The following XIRP2 variants were observed in gnomAD, a reference collection of about 807,000 sequenced individuals.
XIRP2 encodes xin actin-binding repeat-containing protein 2.
XIRP2 carries 236 observed loss-of-function variants against 277.0 expected under a neutral mutation model. That is an observed-to-expected ratio of 0.85 (90% CI 0.77 to 0.95). The LOEUF (loss-of-function observed/expected upper bound fraction) is 0.95, where lower values mean the gene tolerates loss of function less well. Among genes scored for constraint, XIRP2 ranks in the 40% least tolerant of loss-of-function variants. The pLI, the probability that XIRP2 is intolerant of heterozygous loss-of-function variation, is 0.00. For synonymous variants in XIRP2, 1,490 were observed against 1,416.5 expected (o/e 1.05, Z -1.17); for missense variants, 4,640 against 4,157.5 (o/e 1.12, Z -3.19).
At chr2:167,011,796 G>A (rs896300554) in intron 2 of XIRP2, among the ~76,000 whole-genome samples, 25 of 151,690 alleles carry the variant, frequency 1.6e-4, no homozygotes, top group African/African-American at 6.0e-4. Flanking sequence ...CTGGTTTAGT[G>A]TTGGGAGGGT....
At chr2:166,938,109 A>G (rs986619796) in intron 2 of XIRP2, among the ~76,000 whole-genome samples, 2 of 151,838 alleles carry the variant, frequency 1.3e-5, no homozygotes, top group Non-Finnish European at 2.9e-5. Flanking sequence ...TTCTGCTCCG[A>G]TCTTAGTTAT....
At chr2:167,136,085 CT>C in intron 3 of XIRP2, 23 bp downstream of exon 3, 1 of 1,572,736 alleles carries the variant, frequency 6.4e-7, no homozygotes, top group Non-Finnish European at 8.6e-7. Context: ...TTTTGATATG[CT>C]TTCTTGACAT....
intron 2 of XIRP2, among the ~76,000 whole-genome samples, chr2:167,009,872 AG>A (rs1239858925): frequency 6.6e-6 from 1 of 152,104 alleles, no homozygotes; most frequent in African/African-American, 2.4e-5. Flanking sequence ...TCTTTTGAGA[AG>A]TGTCTGTTCA....
chr2:167,029,092 A>C (rs1200683199), intron 2 of XIRP2, among the ~76,000 whole-genome samples: 1 of 152,024 alleles, frequency 6.6e-6, no homozygotes, highest in Non-Finnish European at 1.5e-5. Flanking sequence ...CAAAAGGGCA[A>C]ACCTATGACT....
chr2:166,928,407 C>T (rs1685244357), intron 2 of XIRP2, among the ~76,000 whole-genome samples: 3 of 152,068 alleles, frequency 2.0e-5, no homozygotes, highest in African/African-American at 7.2e-5. Flanking sequence ...GCTGTTAACA[C>T]TTAGTATAAA....
At chr2:167,056,052 G>A (rs987945913) in intron 2 of XIRP2, among the ~76,000 whole-genome samples, 25 of 151,602 alleles carry the variant, frequency 1.6e-4, no homozygotes, top group Non-Finnish European at 3.2e-4. Context: ...TTTTTATTTC[G>A]AAAAGTTAAG....
At chr2:167,032,201 G>T (rs1688383603) in intron 2 of XIRP2, among the ~76,000 whole-genome samples, 1 of 152,104 alleles carries the variant, frequency 6.6e-6, no homozygotes, top group African/African-American at 2.4e-5. Flanking sequence ...CAAGCAATGG[G>T]GAAGGGATTC....
chr2:167,106,706 T>C (rs1183192908), intron 2 of XIRP2, among the ~76,000 whole-genome samples: 1 of 151,694 alleles, frequency 6.6e-6, no homozygotes, highest in African/African-American at 2.4e-5. Context: ...AAAAGTGTTG[T>C]CTTTATCTAC....
chr2:166,939,674 C>A (rs1442787777), intron 2 of XIRP2, among the ~76,000 whole-genome samples: 10 of 82,142 alleles, frequency 1.2e-4, no homozygotes, highest in African/African-American at 4.8e-4. Context: ...AGCAAGACTC[C>A]ATCACAAAAA....
intron 2 of XIRP2, among the ~76,000 whole-genome samples, chr2:166,912,745 A>C (rs960229081): frequency 2.6e-5 from 4 of 152,026 alleles, no homozygotes; most frequent in South Asian, 2.1e-4. Context: ...TTTTATCTAC[A>C]TTTGGTCTTT....
intron 2 of XIRP2, among the ~76,000 whole-genome samples, chr2:166,979,369 C>CTTTTCTT (rs1173291393): frequency 1.4e-3 from 154 of 108,370 alleles, no homozygotes; most frequent in South Asian, 5.0e-3. Context: ...CTTTTCTTTT[C>CTTTTCTT]TTTTTTTTTT....
rs770474160 is a variant in XIRP2, at chr2:167,248,017, A to G, written c.6625A>G (p.Met2209Val). The change falls in exon 9 of 11, where the codon ATG (methionine) becomes GTG (valine). Residue 2209 changes from methionine to valine, a missense_variant. Transcript: ENST00000409195. ...IKKKNINLQP[M>V]WQLLPVEQDT... ...GAAAAAGAATATAAACCTTCAACCA[A>G]TGTGGCAGCTTTTGCCTGTAGAGCA... The G allele has an allele frequency of 6.8e-6, 11 of 1,613,414 alleles. No homozygotes were observed. The highest frequency in any genetic ancestry group is 4.4e-5 in the South Asian group (4 of 91,026).
chr2:166,892,856 T>A (rs1193939536), intron 1 of XIRP2, among the ~76,000 whole-genome samples: 7 of 148,454 alleles, frequency 4.7e-5, no homozygotes, highest in East Asian at 2.0e-4. Context: ...AATATATGTT[T>A]TATATATATA....
At chr2:167,230,835 T>C (rs933397183) in intron 5 of XIRP2, among the ~76,000 whole-genome samples, 1 of 152,036 alleles carries the variant, frequency 6.6e-6, no homozygotes, top group African/African-American at 2.4e-5. Flanking sequence ...CAGTGCTCCC[T>C]CAGCCTCTGT....
chr2:167,066,161 T>C (rs180881434), intron 2 of XIRP2, among the ~76,000 whole-genome samples: 1 of 152,128 alleles, frequency 6.6e-6, no homozygotes, highest in Admixed American at 6.6e-5. Flanking sequence ...GACACTATGT[T>C]GTACAGCTGA....
intron 2 of XIRP2, among the ~76,000 whole-genome samples, chr2:167,029,042 A>C (rs1688253243): frequency 6.6e-6 from 1 of 151,956 alleles, no homozygotes; most frequent in African/African-American, 2.4e-5. Context: ...AAAAGAATGA[A>C]AAACAATGAA....
At chr2:167,078,710 G>A (rs376696643) in intron 2 of XIRP2, among the ~76,000 whole-genome samples, 61 of 152,080 alleles carry the variant, frequency 4.0e-4, no homozygotes, top group African/African-American at 1.2e-3. Context: ...GGTGGCGGGC[G>A]CCTGCAGTCC....
intron 2 of XIRP2, among the ~76,000 whole-genome samples, chr2:166,908,168 T>A (rs929144979): frequency 6.6e-6 from 1 of 152,210 alleles, no homozygotes; most frequent in Non-Finnish European, 1.5e-5. Context: ...TGTCTACTTC[T>A]AGATCCTTGA....
chr2:166,936,765 G>A (rs1188609741), intron 2 of XIRP2, among the ~76,000 whole-genome samples: 1 of 152,002 alleles, frequency 6.6e-6, no homozygotes, highest in African/African-American at 2.4e-5. Flanking sequence ...CTGTTCCATT[G>A]ATCTATATCT....
Sources: gnomAD v4.1 joint callset for allele counts (sites outside exome capture counted in the v4.1 genomes callset) on GRCh38, gnomAD v4.1.1 for gene constraint, MANE v1.5 for transcripts, NCBI Gene and HGNC (gene_info 2026-07-23, HGNC 2026-07-21) for gene names.